The following RIOK3 variants were observed in gnomAD, a reference collection of about 807,000 sequenced individuals.
The protein encoded by RIOK3 is serine/threonine-protein kinase RIO3.
A neutral mutation model predicts 63.5 loss-of-function variants in RIOK3; 40 were observed. The ratio of observed to expected loss-of-function variants is 0.63; its 90% CI spans 0.49 to 0.82. RIOK3 has a LOEUF of 0.82. RIOK3 is among the 40% of genes least tolerant of loss of function. The pLI, the probability that RIOK3 is intolerant of heterozygous loss-of-function variation, is 0.00. For missense variants in RIOK3, 557 were observed against 637.0 expected, an observed-to-expected ratio of 0.87 and a Z score of 1.35; for synonymous variants, 193 against 205.0, an observed-to-expected ratio of 0.94 and a Z score of 0.50.
At chr18:23,476,537 A>T (rs1174127571) in intron 9 of RIOK3, among the ~76,000 whole-genome samples, 1 of 152,126 alleles carries the variant, frequency 6.6e-6, no homozygotes, top group South Asian at 2.1e-4. Context: ...TGGGGAAGAG[A>T]TTAAATAGTG....
chr18:23,458,359 C>T (rs1363649801), intron 1 of RIOK3, among the ~76,000 whole-genome samples: 2 of 151,454 alleles, frequency 1.3e-5, no homozygotes, highest in African/African-American at 2.4e-5. Context: ...GGGGAGAATG[C>T]GGTAGTAGTG....
chr18:23,470,345 A>T (rs2057448313), intron 7 of RIOK3, among the ~76,000 whole-genome samples: 2 of 151,808 alleles, frequency 1.3e-5, no homozygotes, highest in African/African-American at 4.8e-5. Context: ...AGCCTGGGTG[A>T]CAGAGCAAGA....
chr18:23,476,398 G>A (rs1172589858), intron 9 of RIOK3, among the ~76,000 whole-genome samples: 2 of 152,118 alleles, frequency 1.3e-5, no homozygotes, highest in Non-Finnish European at 2.9e-5. Flanking sequence ...TCTAGATATG[G>A]AAATTTTAAT....
chr18:23,453,627 C>T, intron 1 of RIOK3, 125 bp downstream of exon 1: 1 of 814,070 alleles, frequency 1.2e-6, no homozygotes, highest in Non-Finnish European at 2.1e-6. Context: ...CGGACCTCGG[C>T]AAGGGGGCAC....
At chr18:23,462,664 A>C (rs745855213) in intron 1 of RIOK3, among the ~76,000 whole-genome samples, 1 of 152,272 alleles carries the variant, frequency 6.6e-6, no homozygotes, top group Non-Finnish European at 1.5e-5. Context: ...AAGAGGAATT[A>C]CATGAACTCA....
chr18:23,472,249 G>A (rs1347427696), intron 7 of RIOK3, among the ~76,000 whole-genome samples: 1 of 151,482 alleles, frequency 6.6e-6, no homozygotes, highest in Non-Finnish European at 1.5e-5. Context: ...AAAAAGAAAT[G>A]TGGGAGTTGT....
intron 6 of RIOK3, among the ~76,000 whole-genome samples, chr18:23,466,873 G>A (rs2057412165): frequency 6.7e-6 from 1 of 150,142 alleles, no homozygotes; most frequent in African/African-American, 2.5e-5. Flanking sequence ...ATGTTGGTGT[G>A]CACCTTTAGT....
chr18:23,476,989 G>A lies in RIOK3; in HGVS notation c.1174-17G>A, dbSNP rs775731410. ...CTTAATTATTCATTTCCTAATGTGT[G>A]CCTTCCCTCTTCACAGTTGATGCGG... On this transcript the variant is annotated splice_polypyrimidine_tract_variant and intron_variant, in intron 9 of 12. Coordinates refer to ENST00000339486, the MANE Select transcript of RIOK3 (RefSeq NM_003831.5). 13 of 1,604,606 alleles carry A rather than the reference G, an allele frequency of 8.1e-6. No individual in the cohort carries two copies. The highest frequency in any genetic ancestry group is 1.7e-5 in the Admixed American group (1 of 59,932).
chr18:23,472,908 T>G (rs2057465440), intron 7 of RIOK3, among the ~76,000 whole-genome samples: 1 of 152,262 alleles, frequency 6.6e-6, no homozygotes, highest in African/African-American at 2.4e-5. Context: ...ATGGCACTTG[T>G]GCCATGAAGT....
intron 2 of RIOK3, among the ~76,000 whole-genome samples, chr18:23,463,628 C>T (rs549802618): frequency 5.6e-4 from 85 of 152,216 alleles, no homozygotes; most frequent in Non-Finnish European, 1.0e-3. Flanking sequence ...AGGTTGGTCT[C>T]GAACTCCTGA....
Position 23,466,290 on chromosome 18 carries a change from GA to G in RIOK3, c.687+15del. The G allele has an allele frequency of 6.6e-7, 1 of 1,525,968 alleles. No homozygotes were observed. Among genetic ancestry groups the G allele is most frequent in the Non-Finnish European group, 8.7e-7 (1 of 1,146,894 alleles). The allele number at this position is 1,525,968 out of a possible 1,614,324, so 94.5% of individuals were successfully genotyped here. Reference sequence around the variant, plus strand: ...CATTCTACAGCAGTAAGGATTTATAGATTTTTTTTTTTCTTTTTTACTAGAA... The same window carrying G: ...CATTCTACAGCAGTAAGGATTTATAGTTTTTTTTTTTCTTTTTTACTAGAA... On this transcript the variant is annotated intron_variant, in intron 6 of 12. Coordinates refer to ENST00000339486, the MANE Select transcript of RIOK3 (RefSeq NM_003831.5).
chr18:23,479,134 T>G (rs565551821), intron 11 of RIOK3, 183 bp from the exon 12 acceptor site: 23 of 482,486 alleles, frequency 4.8e-5, no homozygotes, highest in Non-Finnish European at 8.0e-5. Flanking sequence ...ATTTTTACTC[T>G]CTTAAAAACT....
chr18:23,457,692 A>C (rs2145668618), intron 1 of RIOK3, among the ~76,000 whole-genome samples: 1 of 152,274 alleles, frequency 6.6e-6, no homozygotes, highest in Non-Finnish European at 1.5e-5. Flanking sequence ...AAAATGGATT[A>C]GTGTTGTTAT....
intron 9 of RIOK3, among the ~76,000 whole-genome samples, chr18:23,475,925 T>C (rs1215079674): frequency 6.7e-6 from 1 of 150,042 alleles, no homozygotes; most frequent in African/African-American, 2.4e-5. Flanking sequence ...TTCATGAATG[T>C]TATAGTTTTT....
chr18:23,459,013 T>A (rs1329835517), intron 1 of RIOK3, among the ~76,000 whole-genome samples: 1 of 152,174 alleles, frequency 6.6e-6, no homozygotes, highest in African/African-American at 2.4e-5. Flanking sequence ...TAGTATAGTC[T>A]CTAGAGTCTA....
intron 1 of RIOK3, among the ~76,000 whole-genome samples, chr18:23,455,593 G>T (rs530330189): frequency 1.6e-3 from 235 of 151,610 alleles, no homozygotes; most frequent in African/African-American, 5.5e-3. Flanking sequence ...GGGTTTCACC[G>T]TGTTAGCCAA....
intron 6 of RIOK3, 56 bp from the exon 7 acceptor site, chr18:23,467,343 A>C: frequency 6.4e-7 from 1 of 1,553,756 alleles, no homozygotes; most frequent in South Asian, 1.2e-5. Context: ...GAAGTGGCTC[A>C]GAAAATATTT....
intron 11 of RIOK3, among the ~76,000 whole-genome samples, chr18:23,477,878 C>T (rs1466997383): frequency 2.6e-5 from 4 of 151,182 alleles, no homozygotes; most frequent in Non-Finnish European, 5.9e-5. Context: ...AAGACCAGCC[C>T]GGCCAACATG....
chr18:23,475,174 A>T (rs2057481453), intron 9 of RIOK3, 67 bp downstream of exon 9: 1 of 1,385,894 alleles, frequency 7.2e-7, no homozygotes. Flanking sequence ...ACTTTAAAAA[A>T]ATTTCCTTAA....
Sources: gnomAD v4.1 joint callset for allele counts (sites outside exome capture counted in the v4.1 genomes callset) on GRCh38, gnomAD v4.1.1 for gene constraint, MANE v1.5 for transcripts, NCBI Gene and HGNC (gene_info 2026-07-23, HGNC 2026-07-21) for gene names.